Variants in STARD13 observed in about 807,000 individuals in gnomAD.
STARD13 encodes the protein stAR-related lipid transfer protein 13.
Under a neutral mutation model 106.4 loss-of-function variants are expected in STARD13, and 62 were observed. The ratio of observed to expected loss-of-function variants is 0.58; its 90% CI spans 0.48 to 0.72. The LOEUF is 0.72. Ranked by LOEUF, STARD13 falls within the 30% of genes least tolerant of loss-of-function variation. The pLI is 0.00. For missense variants in STARD13, 1,387 were observed against 1,424.0 expected (o/e 0.97, Z 0.42); for synonymous variants, 565 against 553.0 (o/e 1.02, Z -0.31).
At chr13:33,453,352 G>A in the STARD13 span, among the ~76,000 whole-genome samples, 3 of 152,110 alleles carry the variant, frequency 2.0e-5, no homozygotes, top group South Asian at 2.1e-4. Flanking sequence ...TGGACACATC[G>A]CCCTGGAAAA....
chr13:33,607,229 A>G, the STARD13 span, among the ~76,000 whole-genome samples: 1 of 152,086 alleles, frequency 6.6e-6, no homozygotes. Flanking sequence ...AATAAAAATA[A>G]TAACAAAAAT....
chr13:33,427,019 G>C, the STARD13 span, among the ~76,000 whole-genome samples: 1 of 152,162 alleles, frequency 6.6e-6, no homozygotes, highest in East Asian at 1.9e-4. Context: ...GTGGTTATGA[G>C]AGCTCTGTAT....
chr13:33,665,048 A>G, the STARD13 span, among the ~76,000 whole-genome samples: 1 of 152,236 alleles, frequency 6.6e-6, no homozygotes, highest in Non-Finnish European at 1.5e-5. Context: ...CGAAGGAGGG[A>G]CAGAGGAAGT....
the STARD13 span, among the ~76,000 whole-genome samples, chr13:33,618,756 G>C: frequency 1.3e-5 from 2 of 151,836 alleles, no homozygotes; most frequent in African/African-American, 2.4e-5. Context: ...CTAGCTTCTT[G>C]TTGGGGGCAT....
chr13:33,483,316 G>A, the STARD13 span, among the ~76,000 whole-genome samples: 1 of 152,158 alleles, frequency 6.6e-6, no homozygotes, highest in Non-Finnish European at 1.5e-5. Flanking sequence ...TCTATTTAAT[G>A]TCAGGGCCAA....
chr13:33,250,202 C>T (rs1437885048), intron 1 of STARD13, among the ~76,000 whole-genome samples: 2 of 152,134 alleles, frequency 1.3e-5, no homozygotes, highest in Non-Finnish European at 2.9e-5. Flanking sequence ...AAATAATTCT[C>T]TGAAAATTCT....
intron 3 of STARD13, among the ~76,000 whole-genome samples, chr13:33,157,677 A>G (rs1456451295): frequency 6.6e-6 from 1 of 152,212 alleles, no homozygotes; most frequent in African/African-American, 2.4e-5. Context: ...CTAAAAACAA[A>G]CAAACAAAGA....
chr13:33,627,094 A>G, the STARD13 span, among the ~76,000 whole-genome samples: 1 of 152,204 alleles, frequency 6.6e-6, no homozygotes, highest in Non-Finnish European at 1.5e-5. Context: ...AATCACAAAC[A>G]CTAATATTTT....
intron 3 of STARD13, among the ~76,000 whole-genome samples, chr13:33,147,911 A>T (rs1880762830): frequency 6.6e-6 from 1 of 152,176 alleles, no homozygotes; most frequent in African/African-American, 2.4e-5. Flanking sequence ...CCCAAAACAG[A>T]CTCGCACAAA....
chr13:33,414,584 G>T, the STARD13 span, among the ~76,000 whole-genome samples: 8 of 122,288 alleles, frequency 6.5e-5, no homozygotes, highest in Non-Finnish European at 1.2e-4. Context: ...TATCATTTTT[G>T]AAAAGAAAAA....
chr13:33,218,814 A>T (rs1888184184), intron 1 of STARD13, among the ~76,000 whole-genome samples: 1 of 152,228 alleles, frequency 6.6e-6, no homozygotes, highest in Admixed American at 6.5e-5. Context: ...CTCAGCATTA[A>T]GATTTTGATA....
At position 33,226,435 on chromosome 13, in the gene STARD13, C is replaced by CTTTTTTTTT. The variant is rs71196514; in HGVS notation, c.170-58822_170-58814dup. On this transcript the variant is annotated intron_variant, in intron 1 of 13. Transcript: ENST00000336934. ...TGAACAATAGCTTTCAAATTTAGTT[C>CTTTTTTTTT]TTTTTTTTTTTTTTTTTTTAGATGA... is the stretch of plus-strand genomic sequence containing the variant. Among the ~76,000 whole-genome samples the CTTTTTTTTT allele has an allele frequency of 1.5e-5, 2 of 130,222 alleles. 1 individual carries two copies. The highest frequency in any genetic ancestry group is 3.2e-5 in the Non-Finnish European group (2 of 62,306). The allele number at this position is 130,222 out of a possible 152,430, so 85.4% of individuals were successfully genotyped here.
the STARD13 span, among the ~76,000 whole-genome samples, chr13:33,606,050 A>C: frequency 1.3e-5 from 2 of 152,214 alleles, no homozygotes; most frequent in Non-Finnish European, 2.9e-5. Context: ...TTGTAATCCC[A>C]GCACTTTGGG....
intron 1 of STARD13, among the ~76,000 whole-genome samples, chr13:33,205,166 G>GAA (rs1887327026): frequency 6.6e-6 from 1 of 152,200 alleles, no homozygotes; most frequent in South Asian, 2.1e-4. Flanking sequence ...GTCCAACTTT[G>GAA]AAAACGAAGC....
the STARD13 span, among the ~76,000 whole-genome samples, chr13:33,632,795 T>C: frequency 1.3e-5 from 2 of 152,006 alleles, no homozygotes; most frequent in Admixed American, 1.3e-4. Context: ...TTGATCACTA[T>C]GCCATGATGT....
At chr13:33,305,825 C>A (rs1446031853) in intron 1 of STARD13, among the ~76,000 whole-genome samples, 1 of 152,230 alleles carries the variant, frequency 6.6e-6, no homozygotes, top group African/African-American at 2.4e-5. Context: ...TATCTTATAC[C>A]CATCACTTCT....
chr13:33,559,786 G>A, the STARD13 span, among the ~76,000 whole-genome samples: 1 of 151,454 alleles, frequency 6.6e-6, no homozygotes, highest in South Asian at 2.1e-4. Context: ...GAACCCGGGA[G>A]GTGGACGTTG....
At chr13:33,603,921 A>T in the STARD13 span, among the ~76,000 whole-genome samples, 2 of 152,286 alleles carry the variant, frequency 1.3e-5, no homozygotes, top group Non-Finnish European at 2.9e-5. Context: ...TCCAGATAAC[A>T]TAACATTCTG....
At chr13:33,122,987 C>T (rs776904981) in intron 7 of STARD13, among the ~76,000 whole-genome samples, 8 of 125,872 alleles carry the variant, frequency 6.4e-5, no homozygotes, top group Admixed American at 1.0e-4. Flanking sequence ...ACCCAGGAGG[C>T]GGAGGTTGCA....
Sources: allele counts gnomAD v4.1 joint callset (sites outside exome capture counted in the v4.1 genomes callset), GRCh38; gene constraint gnomAD v4.1.1; transcripts MANE v1.5; gene names NCBI Gene and HGNC (gene_info 2026-07-23, HGNC 2026-07-21).